The following TTYH3 variants were observed in gnomAD, a reference collection of about 807,000 sequenced individuals.
The protein encoded by TTYH3 is protein tweety homolog 3.
A neutral mutation model predicts 68.2 loss-of-function variants in TTYH3; 23 were observed. The ratio of observed to expected loss-of-function variants is 0.34; its 90% CI spans 0.24 to 0.48. The LOEUF is 0.48. Ranked by LOEUF, TTYH3 falls within the 20% of genes least tolerant of loss-of-function variation. The pLI, the probability that TTYH3 is intolerant of heterozygous loss-of-function variation, is 0.99. For missense variants in TTYH3, 768 were observed against 727.7 expected, an observed-to-expected ratio of 1.06 and a Z score of -0.64; for synonymous variants, 360 against 332.8, an observed-to-expected ratio of 1.08 and a Z score of -0.89.
chr7:2,639,091 A>C (rs191498572), intron 1 of TTYH3, among the ~76,000 whole-genome samples: 1 of 152,254 alleles, frequency 6.6e-6, no homozygotes, highest in African/African-American at 2.4e-5. Context: ...GACCCCAGCC[A>C]GCCTCTCAGA....
intron 1 of TTYH3, among the ~76,000 whole-genome samples, chr7:2,640,064 T>C (rs879731791): frequency 6.6e-6 from 1 of 152,194 alleles, no homozygotes; most frequent in Non-Finnish European, 1.5e-5. Context: ...CCTAGCAGCG[T>C]GGCTCCAGGA....
intron 4 of TTYH3, 70 bp downstream of exon 4, chr7:2,647,708 T>C: frequency 6.8e-7 from 1 of 1,472,002 alleles, no homozygotes; most frequent in Non-Finnish European, 9.2e-7. Context: ...CAATTTTTGC[T>C]CTCAGCACCT....
In TTYH3 at chr7:2,661,655, T is replaced by C; in HGVS notation, c.1501-13T>C. On this transcript the variant is annotated splice_polypyrimidine_tract_variant and intron_variant, in intron 13 of 13. Coordinates refer to ENST00000258796, the MANE Select transcript of TTYH3 (RefSeq NM_025250.3). The stretch of plus-strand genomic sequence containing the variant: ...AGGGGCCCTGCTGATGCCTCCCCCT[T>C]GTCTCCCTCCAGTACACCTCCAGCA... 6.2e-7 allele frequency: 1 copy of C among 1,611,670 alleles called. No homozygotes were observed. Among genetic ancestry groups the C allele is most frequent in the Non-Finnish European group, 8.5e-7 (1 of 1,179,204 alleles).
At chr7:2,646,258 G>A (rs1042211715) in intron 1 of TTYH3, among the ~76,000 whole-genome samples, 33 of 152,218 alleles carry the variant, frequency 2.2e-4, no homozygotes, top group Middle Eastern at 6.8e-3. Context: ...CAGGTGATCC[G>A]CCCGCCTCGG....
intron 11 of TTYH3, among the ~76,000 whole-genome samples, chr7:2,657,371 G>C (rs953708498): frequency 2.5e-4 from 38 of 150,840 alleles, no homozygotes; most frequent in African/African-American, 9.1e-4. Flanking sequence ...GGTGATGGTG[G>C]TGGTGATGGT....
intron 9 of TTYH3, among the ~76,000 whole-genome samples, chr7:2,654,709 C>G (rs10950818): frequency 0.36 from 54,887 of 151,992 alleles, 12,188 homozygotes; most frequent in African/African-American, 0.63. Context: ...CTTGTAGACG[C>G]TGTCTTCTCC....
chr7:2,649,825 C>G, intron 6 of TTYH3, 88 bp from the exon 7 acceptor site: 1 of 1,513,066 alleles, frequency 6.6e-7, no homozygotes, highest in Non-Finnish European at 9.1e-7. Context: ...GAGTTGAAAG[C>G]AGACTCCAGG....
intron 1 of TTYH3, among the ~76,000 whole-genome samples, chr7:2,633,185 A>T (rs1785567139): frequency 6.6e-6 from 1 of 152,104 alleles, no homozygotes. Flanking sequence ...GGATTCCAGA[A>T]GCCCCGTGAC....
chr7:2,656,523 G>T lies in TTYH3; in HGVS notation c.1239G>T (p.Trp413Cys). The T allele has an allele frequency of 6.2e-7, 1 of 1,602,628 alleles. No homozygotes were observed. The highest frequency in any genetic ancestry group is 8.5e-7 in the Non-Finnish European group (1 of 1,176,010). ...SSIVCSVPHTWQQKRGPDEDG... is the reference protein window; with the variant it reads ...SSIVCSVPHTCQQKRGPDEDG... Reference sequence around the variant, plus strand: ...TCGTCTGCAGCGTCCCGCACACCTGGCAGCAAAAGAGGTGAGGGGCCCTGG... The same window carrying T: ...TCGTCTGCAGCGTCCCGCACACCTGTCAGCAAAAGAGGTGAGGGGCCCTGG... The change falls in exon 11 of 14, where the codon TGG becomes TGT. Residue 413 changes from tryptophan (W) to cysteine (C), a missense_variant. Coordinates refer to ENST00000258796, the MANE Select transcript of TTYH3 (RefSeq NM_025250.3).
chr7:2,642,748 CT>C (rs915544871), intron 1 of TTYH3, among the ~76,000 whole-genome samples: 3,791 of 128,092 alleles, frequency 0.03, 110 homozygotes, highest in African/African-American at 0.078. Context: ...TTTTTCTTTT[CT>C]TTTTTTTTTT....
chr7:2,654,887 C>T lies in TTYH3; in HGVS notation c.1021-1205C>T, dbSNP rs538258137. Among the ~76,000 whole-genome samples the T allele has an allele frequency of 1.6e-4, 25 of 152,024 alleles. No individual in the cohort carries two copies. The South Asian group carries it at 1.7e-3, about 10-fold the overall frequency. Reference sequence around the variant, plus strand: ...GCAACCTCTGCCTTCTGGGTTCCAGCGATTCTCCTGCTGAGTAGCTGGGAT... The same window carrying T: ...GCAACCTCTGCCTTCTGGGTTCCAGTGATTCTCCTGCTGAGTAGCTGGGAT... On this transcript the variant is annotated intron_variant, in intron 9 of 13. Transcript: ENST00000258796.
At chr7:2,632,334 C>T (rs1785544985) in intron 1 of TTYH3, 56 bp downstream of exon 1, 3 of 1,473,536 alleles carry the variant, frequency 2.0e-6, no homozygotes, top group Admixed American at 4.4e-5. Flanking sequence ...CGGCCCCCTC[C>T]TCTCCCAGGG....
intron 1 of TTYH3, among the ~76,000 whole-genome samples, chr7:2,638,030 G>A (rs1785726408): frequency 6.6e-6 from 1 of 152,204 alleles, no homozygotes; most frequent in Non-Finnish European, 1.5e-5. Flanking sequence ...CGCTGGCTGG[G>A]TTCCTGGCCA....
Position 2,644,006 on chromosome 7 carries a change from G to C in TTYH3, c.124-2847G>C, listed in dbSNP as rs568071215. On this transcript the variant is annotated intron_variant, in intron 1 of 13. Transcript: ENST00000258796. Reference sequence around the variant, plus strand: ...CGAGGGTGACTCCAGCCAGGGACTGGGGAGGCCTCTGCAAGTGGAGAGCAG... The same window carrying C: ...CGAGGGTGACTCCAGCCAGGGACTGCGGAGGCCTCTGCAAGTGGAGAGCAG... 2.0e-3 allele frequency among the ~76,000 whole-genome samples: 312 copies of C among 152,290 alleles called. 2 individuals carry two copies. Among genetic ancestry groups the C allele is most frequent in the Middle Eastern group, 0.01 (3 of 294 alleles).
At chr7:2,633,372 G>A (rs1410936470) in intron 1 of TTYH3, among the ~76,000 whole-genome samples, 1 of 152,188 alleles carries the variant, frequency 6.6e-6, no homozygotes, top group African/African-American at 2.4e-5. Context: ...AGAGGAGGGA[G>A]GCGGAAGTGG....
chr7:2,634,722 C>T (rs190928797), intron 1 of TTYH3, among the ~76,000 whole-genome samples: 122 of 152,228 alleles, frequency 8.0e-4, no homozygotes, highest in African/African-American at 2.7e-3. Context: ...CAAGGCCCTG[C>T]GTGGGACTGC....
chr7:2,647,569 C>A lies in TTYH3; in HGVS notation c.557C>A (p.Pro186His). ...ETLLGYTAAI[P>H]FWRNTAVSLE... The stretch of plus-strand genomic sequence containing the variant: ...CTGCTGGGCTACACGGCCGCCATCC[C>A]CTTTTGGAGGAACACGGCGGTGTCG... Residue 186 changes from proline to histidine, a missense_variant, in exon 4 of 14, where the codon CCC becomes CAC. Coordinates refer to ENST00000258796, the MANE Select transcript of TTYH3 (RefSeq NM_025250.3). The A allele has an allele frequency of 1.3e-6, 2 of 1,568,692 alleles. No individual in the cohort carries two copies. The highest frequency in any genetic ancestry group is 1.7e-4 in the Middle Eastern group (1 of 5,962).
At chr7:2,636,266 G>A (rs892204363) in intron 1 of TTYH3, among the ~76,000 whole-genome samples, 18 of 152,350 alleles carry the variant, frequency 1.2e-4, no homozygotes, top group Non-Finnish European at 1.5e-4. Context: ...ATGAGTTCTG[G>A]TTAAAACGGC....
At position 2,661,890 on chromosome 7, in the gene TTYH3, C is replaced by T; in HGVS notation, c.*151C>T. 1.2e-6 allele frequency: 1 copy of T among 805,056 alleles called. No individual in the cohort carries two copies. 49.9% of individuals were successfully genotyped at this position (805,056 alleles called of 1,614,324 possible). On this transcript the variant is annotated 3_prime_UTR_variant, in exon 14 of 14. Coordinates refer to ENST00000258796, the MANE Select transcript of TTYH3 (RefSeq NM_025250.3). ...AGGCCGCTTGCCCTCCTGTCCCCTC[C>T]CCGCAGGGGCACAGTGGAGACGCAG...
Sources: gnomAD v4.1 joint callset for allele counts (sites outside exome capture counted in the v4.1 genomes callset) on GRCh38, gnomAD v4.1.1 for gene constraint, MANE v1.5 for transcripts, NCBI Gene and HGNC (gene_info 2026-07-23, HGNC 2026-07-21) for gene names.